The following ZCCHC2 variants were observed in gnomAD, a reference collection of about 807,000 sequenced individuals.
The protein encoded by ZCCHC2 is zinc finger CCHC domain-containing protein 2.
A neutral mutation model predicts 103.6 loss-of-function variants in ZCCHC2; 39 were observed. That is an observed-to-expected ratio of 0.38 (90% CI 0.29 to 0.49). The LOEUF (loss-of-function observed/expected upper bound fraction) is 0.49. Among genes scored for constraint, ZCCHC2 ranks in the 20% least tolerant of loss-of-function variants. ZCCHC2 has a pLI of 0.96. For synonymous variants in ZCCHC2, 687 were observed against 608.9 expected (o/e 1.13, Z -1.89); for missense variants, 1,483 against 1,491.0 (o/e 0.99, Z 0.09).
chr18:62,560,926 A>G (rs1415233566), intron 8 of ZCCHC2, among the ~76,000 whole-genome samples: 1 of 152,020 alleles, frequency 6.6e-6, no homozygotes, highest in Non-Finnish European at 1.5e-5. Context: ...ATAATATTAC[A>G]TATCTTTGAC....
In ZCCHC2 at chr18:62,574,736, T is replaced by C; in HGVS notation, c.2655T>C (p.Ile885=). The change falls in exon 13 of 14, where the codon ATT becomes ATC. Residue 885 remains isoleucine, a synonymous_variant. Transcript: ENST00000269499. Reference sequence around the variant, plus strand: ...GACTCAATCAAATGGTGCCTCAAATTGAGGGAAACACAGGGACAGTCCCTC... The same window carrying C: ...GACTCAATCAAATGGTGCCTCAAATCGAGGGAAACACAGGGACAGTCCCTC... ...VVGLNQMVPQ[I]EGNTGTVPQP... 6.2e-7 allele frequency: 1 copy of C among 1,613,954 alleles called. No homozygotes were observed.
chr18:62,571,985 T>C (rs2047567748), intron 12 of ZCCHC2, among the ~76,000 whole-genome samples: 1 of 152,236 alleles, frequency 6.6e-6, no homozygotes, highest in South Asian at 2.1e-4. Flanking sequence ...GAGGCAACAC[T>C]GTACTTCTAA....
At chr18:62,549,174 G>T (rs190583336) in intron 4 of ZCCHC2, among the ~76,000 whole-genome samples, 11 of 151,506 alleles carry the variant, frequency 7.3e-5, no homozygotes, top group Admixed American at 7.2e-4. Context: ...AGCCGAGATC[G>T]CGCCACTGCG....
At chr18:62,535,943 GTTA>G (rs1914903735) in intron 1 of ZCCHC2, among the ~76,000 whole-genome samples, 1 of 152,206 alleles carries the variant, frequency 6.6e-6, no homozygotes. Flanking sequence ...TTACTGCTGT[GTTA>G]TTATATTTGG....
intron 2 of ZCCHC2, among the ~76,000 whole-genome samples, chr18:62,540,924 A>G (rs182895653): frequency 6.5e-4 from 99 of 152,234 alleles, no homozygotes; most frequent in Middle Eastern, 3.4e-3. Context: ...TTATCACTGA[A>G]GCTGTGTTCC....
chr18:62,558,697 A>T lies in ZCCHC2; in HGVS notation c.1419A>T (p.Gln473His). 1 of 1,526,972 alleles carries T rather than the reference A, an allele frequency of 6.5e-7. No individual in the cohort carries two copies. The highest frequency in any genetic ancestry group is 8.8e-7 in the Non-Finnish European group (1 of 1,136,838). 94.6% of individuals were successfully genotyped at this position (1,526,972 alleles called of 1,614,324 possible). A position where few individuals can be genotyped will look rare whatever the true frequency, so the allele number is the denominator to read the frequency against. The part of the protein sequence containing the change: ...SDSLHSINNL[Q>H]SSLKTSKILE... Reference sequence around the variant, plus strand: ...GAATGCTTCCTGCAGATAACTTACAATCCTCTCTGAAGACTTCTAAGATAT... The same window carrying T: ...GAATGCTTCCTGCAGATAACTTACATTCCTCTCTGAAGACTTCTAAGATAT... The change falls in exon 7 of 14, where the codon CAA (glutamine) becomes CAT (histidine). Residue 473 changes from glutamine (Q) to histidine (H), a missense_variant. Coordinates refer to ENST00000269499, the MANE Select transcript of ZCCHC2 (RefSeq NM_017742.6).
At chr18:62,549,028 A>G (rs374650409) in intron 4 of ZCCHC2, among the ~76,000 whole-genome samples, 10 of 151,606 alleles carry the variant, frequency 6.6e-5, no homozygotes, top group African/African-American at 1.9e-4. Context: ...GACCATCCTG[A>G]CTAACACGGT....
chr18:62,528,032 T>C (rs756720995), intron 1 of ZCCHC2, among the ~76,000 whole-genome samples: 1 of 152,230 alleles, frequency 6.6e-6, no homozygotes, highest in Non-Finnish European at 1.5e-5. Flanking sequence ...GCATAAAATA[T>C]GTAGACGATC....
At chr18:62,532,898 G>A (rs1009980182) in intron 1 of ZCCHC2, among the ~76,000 whole-genome samples, 1 of 152,042 alleles carries the variant, frequency 6.6e-6, no homozygotes, top group East Asian at 1.9e-4. Context: ...TTAGCTGGGC[G>A]TAGTGGTGCA....
Position 62,574,582 on chromosome 18 carries a change from A to C in ZCCHC2, c.2501A>C (p.Gln834Pro), listed in dbSNP as rs1318459393. 1.2e-6 allele frequency: 2 copies of C among 1,613,878 alleles called. No homozygotes were observed. The highest frequency in any genetic ancestry group is 1.1e-5 in the South Asian group (1 of 91,076). ...SESCTVNIPQ[Q>P]PPGSLSIASP... ...AGCTGCACAGTTAACATCCCACAAC[A>C]ACCACCCGGAAGCCTGAGCATCGCA... Residue 834 changes from glutamine to proline, a missense_variant, in exon 13 of 14, where the codon CAA becomes CCA. Around this residue, in one of 3 missense-constraint regions of ZCCHC2, gnomAD observed 884 missense variants for 907.5 expected, o/e 0.97. Coordinates refer to ENST00000269499, the MANE Select transcript of ZCCHC2 (RefSeq NM_017742.6).
At chr18:62,526,360 T>TG (rs1204704385) in intron 1 of ZCCHC2, 1 of 152,326 alleles carries the variant, frequency 6.6e-6, no homozygotes, top group Non-Finnish European at 1.5e-5. Context: ...TATTTCTAGA[T>TG]GCGTGGTGTG....
At chr18:62,561,744 T>C (rs1568552625) in intron 8 of ZCCHC2, among the ~76,000 whole-genome samples, 1 of 152,256 alleles carries the variant, frequency 6.6e-6, no homozygotes, top group East Asian at 1.9e-4. Context: ...CAATCGGTCT[T>C]ACTGCTGCTC....
intron 1 of ZCCHC2, among the ~76,000 whole-genome samples, chr18:62,534,776 T>C (rs1306065088): frequency 6.6e-6 from 1 of 152,242 alleles, no homozygotes; most frequent in African/African-American, 2.4e-5. Flanking sequence ...TGGGAGTATT[T>C]GCTTGAAAAG....
chr18:62,561,113 C>T lies in ZCCHC2; in HGVS notation c.1550+469C>T, dbSNP rs796448309. Among the ~76,000 whole-genome samples the T allele has an allele frequency of 5.7e-4, 87 of 152,286 alleles. 1 individual carries two copies. The highest frequency in any genetic ancestry group is 1.9e-3 in the African/African-American group (81 of 41,554). ...TGTAGTGTTTGTGTACTCATTCCTT[C>T]CTGTGTCTCTGAGCATCCACCTATG... On this transcript the variant is annotated intron_variant, in intron 8 of 13. Coordinates refer to ENST00000269499, the MANE Select transcript of ZCCHC2 (RefSeq NM_017742.6).
At chr18:62,563,182 G>A in intron 9 of ZCCHC2, 38 bp downstream of exon 9, 3 of 1,579,648 alleles carry the variant, frequency 1.9e-6, no homozygotes, top group Non-Finnish European at 2.6e-6. Context: ...TATAGTTAAA[G>A]CATTGCTCCT....
intron 1 of ZCCHC2, 40 bp downstream of exon 1, chr18:62,524,403 G>A (rs1473255178): frequency 1.4e-6 from 2 of 1,429,578 alleles, no homozygotes; most frequent in Non-Finnish European, 1.8e-6. Context: ...CGGTGCGATC[G>A]CTGCCCCGGC....
rs1568559671 is a variant in ZCCHC2, at chr18:62,574,980, G to A, written c.2899G>A (p.Gly967Ser). The A allele has an allele frequency of 6.2e-7, 1 of 1,613,926 alleles. No homozygotes were observed. Among genetic ancestry groups the A allele is most frequent in the Non-Finnish European group, 8.5e-7 (1 of 1,179,876 alleles). Residue 967 changes from glycine (G) to serine (S), a missense_variant, in exon 13 of 14, where the codon GGC becomes AGC. By Grantham distance (56) the Gly-to-Ser change is moderately conservative. Transcript: ENST00000269499. Reference sequence around the variant, plus strand: ...TCCTGCAGTTCCTACCCACACCCCAGGCCCTGCCCCGAGCCCAAGCCCTGC... The same window carrying A: ...TCCTGCAGTTCCTACCCACACCCCAAGCCCTGCCCCGAGCCCAAGCCCTGC... ...VPPAVPTHTP[G>S]PAPSPSPALT...
At chr18:62,569,744 TTTC>T (rs1340456948) in intron 11 of ZCCHC2, among the ~76,000 whole-genome samples, 2 of 152,146 alleles carry the variant, frequency 1.3e-5, no homozygotes, top group African/African-American at 4.8e-5. Flanking sequence ...TGGCAGCCCT[TTTC>T]TTCTTGAGTT....
chr18:62,570,294 G>T, intron 12 of ZCCHC2, 63 bp downstream of exon 12: 1 of 1,566,986 alleles, frequency 6.4e-7, no homozygotes, highest in South Asian at 1.2e-5. Context: ...AGGGAAATGT[G>T]TGTTGTTTCT....
Sources: allele counts gnomAD v4.1 joint callset (sites outside exome capture counted in the v4.1 genomes callset), GRCh38; gene constraint gnomAD v4.1.1; regional missense constraint gnomAD v4.1.1; transcripts MANE v1.5; gene names NCBI Gene and HGNC (gene_info 2026-07-23, HGNC 2026-07-21).